The following GADL1 variants were observed in gnomAD, a reference collection of about 807,000 sequenced individuals.
GADL1 encodes the protein acidic amino acid decarboxylase GADL1.
Under a neutral mutation model 69.5 loss-of-function variants are expected in GADL1, and 71 were observed. That is an observed-to-expected ratio of 1.02 (90% confidence interval 0.84 to 1.25). The LOEUF (loss-of-function observed/expected upper bound fraction) is 1.25. GADL1 is among the 50% of genes most tolerant of loss of function. The probability of loss-of-function intolerance (pLI) is 0.00; values close to 1 mark genes in which losing one functional copy is unlikely to be tolerated. For missense variants in GADL1, 737 were observed against 631.8 expected (o/e 1.17, Z -1.79); for synonymous variants, 254 against 214.4 (o/e 1.18, Z -1.62).
At chr3:30,783,240 C>A (rs192088496) in intron 13 of GADL1, among the ~76,000 whole-genome samples, 2 of 152,212 alleles carry the variant, frequency 1.3e-5, no homozygotes. Context: ...AATTAGGACT[C>A]TCCCAAGAGA....
At chr3:30,823,033 G>A (rs979761425) in intron 11 of GADL1, among the ~76,000 whole-genome samples, 2 of 151,986 alleles carry the variant, frequency 1.3e-5, no homozygotes, top group Non-Finnish European at 2.9e-5. Flanking sequence ...TAAAGGAATA[G>A]ATGAATTAAA....
intron 1 of GADL1, among the ~76,000 whole-genome samples, chr3:30,885,303 A>T (rs1459014847): frequency 6.6e-6 from 1 of 152,108 alleles, no homozygotes; most frequent in African/African-American, 2.4e-5. Context: ...TGTTAAAATA[A>T]GTATCCAGCA....
At chr3:30,841,914 A>G (rs949830927) in intron 8 of GADL1, among the ~76,000 whole-genome samples, 4 of 152,210 alleles carry the variant, frequency 2.6e-5, no homozygotes, top group Non-Finnish European at 5.9e-5. Flanking sequence ...CTCAAGATCT[A>G]ACTGCCAAAT....
At chr3:30,863,073 ACT>A (rs982534697) in intron 1 of GADL1, among the ~76,000 whole-genome samples, 26 of 151,034 alleles carry the variant, frequency 1.7e-4, no homozygotes, top group Non-Finnish European at 8.9e-5. Flanking sequence ...ACACTCACAC[ACT>A]CACTCTCTCT....
chr3:30,771,252 G>C (rs1212500292), intron 14 of GADL1, among the ~76,000 whole-genome samples: 1 of 152,164 alleles, frequency 6.6e-6, no homozygotes, highest in African/African-American at 2.4e-5. Context: ...ATAATTATCA[G>C]AAGTACCTAA....
intron 1 of GADL1, among the ~76,000 whole-genome samples, chr3:30,889,084 TAAAAAAAAAAAAA>T (rs60227313): frequency 7.3e-4 from 24 of 32,914 alleles, no homozygotes; most frequent in East Asian, 1.6e-3. Context: ...CGGTAATCTA[TAAAAAAAAAAAAA>T]AAAAAAAAAA....
chr3:30,767,901 T>C (rs1696321534), intron 14 of GADL1, among the ~76,000 whole-genome samples: 1 of 151,952 alleles, frequency 6.6e-6, no homozygotes, highest in South Asian at 2.1e-4. Flanking sequence ...TCTCAAAATA[T>C]AAATACTTAA....
At chr3:30,831,243 C>T (rs1319556464) in intron 11 of GADL1, among the ~76,000 whole-genome samples, 1 of 151,970 alleles carries the variant, frequency 6.6e-6, no homozygotes, top group East Asian at 1.9e-4. Context: ...CCTTTAGTCT[C>T]ATATTATGTC....
chr3:30,766,568 TTAATGAGGAAACAGGTATGGAGTGG>T (rs1379226601), intron 14 of GADL1, among the ~76,000 whole-genome samples: 14 of 151,290 alleles, frequency 9.3e-5, no homozygotes, highest in African/African-American at 3.4e-4. Context: ...TTTTTTTCTC[TTAATGAGGAAACAGGTATGGAGTGG>T]TAATGTACTG....
intron 14 of GADL1, among the ~76,000 whole-genome samples, chr3:30,741,853 G>T (rs1318339688): frequency 6.6e-6 from 1 of 152,138 alleles, no homozygotes; most frequent in Non-Finnish European, 1.5e-5. Context: ...CACCAGTGGG[G>T]TGCAGTGGAA....
At position 30,728,196 on chromosome 3, in the gene GADL1, A is replaced by T; in HGVS notation, c.*46T>A. 6.5e-7 allele frequency: 1 copy of T among 1,531,778 alleles called. No homozygotes were observed. Among genetic ancestry groups the T allele is most frequent in the Non-Finnish European group, 9.0e-7 (1 of 1,107,570 alleles). 94.9% of individuals were successfully genotyped at this position (1,531,778 alleles called of 1,614,324 possible). On this transcript the variant is annotated 3_prime_UTR_variant, in exon 15 of 15. Transcript: ENST00000282538. Reference sequence around the variant, plus strand: ...TATCTCCAAGATGTTCTGGATCTAAACTCTCCCAGGATAGGATCTATGCCT... The same window carrying T: ...TATCTCCAAGATGTTCTGGATCTAATCTCTCCCAGGATAGGATCTATGCCT...
At chr3:30,783,645 TAAAAAG>T (rs1559498557) in intron 13 of GADL1, among the ~76,000 whole-genome samples, 2 of 126,054 alleles carry the variant, frequency 1.6e-5, no homozygotes, top group Non-Finnish European at 2.0e-5. Flanking sequence ...CTCAGTGTAA[TAAAAAG>T]AAAAGCGGCA....
intron 6 of GADL1, among the ~76,000 whole-genome samples, chr3:30,844,954 G>C (rs1483070859): frequency 3.4e-4 from 52 of 152,142 alleles, no homozygotes; most frequent in African/African-American, 1.2e-3. Flanking sequence ...CTAGTCCACT[G>C]CTGACTTGAA....
intron 12 of GADL1, among the ~76,000 whole-genome samples, chr3:30,796,806 T>C (rs944051833): frequency 2.6e-5 from 4 of 152,180 alleles, no homozygotes; most frequent in Non-Finnish European, 4.4e-5. Context: ...CTTGAGTTAA[T>C]GTTTCCATCG....
At chr3:30,863,733 A>G (rs1307326712) in intron 1 of GADL1, among the ~76,000 whole-genome samples, 1 of 151,986 alleles carries the variant, frequency 6.6e-6, no homozygotes, top group Admixed American at 6.6e-5. Context: ...TTCTAAATAT[A>G]TGTATTTCAA....
At chr3:30,861,799 T>C (rs1238041385) in intron 1 of GADL1, 34 bp from the exon 2 acceptor site, 20 of 1,445,500 alleles carry the variant, frequency 1.4e-5, no homozygotes, top group Admixed American at 2.1e-5. Flanking sequence ...GTTTGAGAGA[T>C]AATCTAATTA....
chr3:30,850,656 A>G (rs1207809500), intron 5 of GADL1, among the ~76,000 whole-genome samples, 179 bp downstream of exon 5: 1 of 152,166 alleles, frequency 6.6e-6, no homozygotes, highest in Non-Finnish European at 1.5e-5. Flanking sequence ...TATGTCATCT[A>G]TTTAGCATTA....
At chr3:30,826,730 G>A (rs1697687882) in intron 11 of GADL1, among the ~76,000 whole-genome samples, 1 of 151,768 alleles carries the variant, frequency 6.6e-6, no homozygotes. Flanking sequence ...CCTTAGAAAA[G>A]CAAGTATCTC....
chr3:30,790,077 C>A (rs1046210108), intron 12 of GADL1, among the ~76,000 whole-genome samples: 3 of 152,206 alleles, frequency 2.0e-5, no homozygotes, highest in African/African-American at 7.2e-5. Flanking sequence ...GGCATGCCAT[C>A]CTCACTAAGC....
Sources: allele counts gnomAD v4.1 joint callset (sites outside exome capture counted in the v4.1 genomes callset), GRCh38; gene constraint gnomAD v4.1.1; transcripts MANE v1.5; gene names NCBI Gene and HGNC (gene_info 2026-07-23, HGNC 2026-07-21).